CSMD1: variants seen among roughly 807,000 people sequenced by gnomAD.
CSMD1 encodes the protein CUB and sushi domain-containing protein 1.
A neutral mutation model predicts 417.5 loss-of-function variants in CSMD1; 213 were observed. The observed-to-expected ratio is 0.51, with a 90% confidence interval of 0.46 to 0.57. CSMD1 has a LOEUF of 0.57. Among genes scored for constraint, CSMD1 ranks in the 20% least tolerant of loss-of-function variants. The pLI is 0.00. For missense variants in CSMD1, 6,923 were observed against 4,529.7 expected, an observed-to-expected ratio of 1.53 and a Z score of -15.17; for synonymous variants, 2,862 against 1,736.8, an observed-to-expected ratio of 1.65 and a Z score of -16.11.
At chr8:3,503,837 C>CA (rs1796710525) in intron 10 of CSMD1, among the ~76,000 whole-genome samples, 1 of 148,910 alleles carries the variant, frequency 6.7e-6, no homozygotes, top group Non-Finnish European at 1.5e-5. Flanking sequence ...CCCCTTGCCC[C>CA]CCCCCAACCC....
intron 2 of CSMD1, among the ~76,000 whole-genome samples, chr8:4,496,175 A>G (rs182751446): frequency 6.6e-6 from 1 of 152,314 alleles, no homozygotes; most frequent in Admixed American, 6.5e-5. Flanking sequence ...CTATGAAGAG[A>G]AAATTTAAAT....
intron 3 of CSMD1, among the ~76,000 whole-genome samples, chr8:4,393,360 C>T (rs930463868): frequency 1.3e-5 from 2 of 152,042 alleles, no homozygotes; most frequent in African/African-American, 2.4e-5. Context: ...TTCTAAATTG[C>T]CAAGGCCAAG....
chr8:4,615,069 G>C lies in CSMD1; in HGVS notation c.302+22273C>G, dbSNP rs148516114. On this transcript the variant is annotated intron_variant, in intron 2 of 69. Transcript: ENST00000635120. ...TGAGAAAGGCTTCCTATTTGTCTCA[G>C]ATCTACAAACTGATATAATCTATTA... 3.1e-3 allele frequency among the ~76,000 whole-genome samples: 478 copies of C among 152,236 alleles called. 3 individuals carry two copies. The highest frequency in any genetic ancestry group is 0.011 in the African/African-American group (449 of 41,548).
chr8:4,452,638 A>T (rs1010646925), intron 2 of CSMD1, among the ~76,000 whole-genome samples: 3 of 151,144 alleles, frequency 2.0e-5, no homozygotes, highest in African/African-American at 7.2e-5. Flanking sequence ...ACAATGAAAA[A>T]TTCTTGAGTG....
intron 3 of CSMD1, among the ~76,000 whole-genome samples, chr8:4,258,865 C>T (rs1413305120): frequency 6.6e-6 from 1 of 152,160 alleles, no homozygotes; most frequent in Admixed American, 6.5e-5. Context: ...CTGCAAAAGT[C>T]TCATCTCTAC....
intron 6 of CSMD1, among the ~76,000 whole-genome samples, chr8:3,749,363 A>G (rs551155006): frequency 1.3e-5 from 2 of 152,198 alleles, no homozygotes; most frequent in Non-Finnish European, 2.9e-5. Flanking sequence ...TGTCATTTTA[A>G]AAGTGAATAG....
intron 3 of CSMD1, among the ~76,000 whole-genome samples, chr8:4,356,791 C>G (rs1050366434): frequency 6.6e-6 from 1 of 152,162 alleles, no homozygotes; most frequent in Non-Finnish European, 1.5e-5. Context: ...AGCAGTCTTG[C>G]AGGCCCAGCC....
chr8:4,630,827 C>T (rs1367261700), intron 2 of CSMD1, among the ~76,000 whole-genome samples: 1 of 152,154 alleles, frequency 6.6e-6, no homozygotes, highest in Admixed American at 6.5e-5. Flanking sequence ...GTGACAAGCT[C>T]TTCCACTGCT....
intron 3 of CSMD1, among the ~76,000 whole-genome samples, chr8:4,054,184 C>T (rs918099840): frequency 1.3e-5 from 2 of 152,120 alleles, no homozygotes; most frequent in East Asian, 3.9e-4. Context: ...TTTCACAGAA[C>T]GCACGGCCAT....
chr8:3,516,067 G>T (rs1161081874), intron 10 of CSMD1, among the ~76,000 whole-genome samples: 5 of 151,998 alleles, frequency 3.3e-5, no homozygotes, highest in Admixed American at 3.3e-4. Context: ...CTGTAGAACT[G>T]GGAAACTGGA....
In CSMD1 at chr8:4,668,512, C is replaced by G. The variant is rs568052863; in HGVS notation, c.86-30954G>C. Among the ~76,000 whole-genome samples the G allele has an allele frequency of 6.7e-5, 10 of 150,176 alleles. No individual in the cohort carries two copies. In the East Asian group the frequency reaches 2.0e-3, roughly 29 times the overall value. The stretch of plus-strand genomic sequence containing the variant: ...TCACCCAGGCTGGAGTGCAGTGGCA[C>G]GATCTCAGCTCACTGCAAGCTCCGC... On this transcript the variant is annotated intron_variant, in intron 1 of 69. Coordinates refer to ENST00000635120, the MANE Select transcript of CSMD1 (RefSeq NM_033225.6).
chr8:3,944,465 T>C (rs1051116324), intron 5 of CSMD1, among the ~76,000 whole-genome samples: 9 of 152,160 alleles, frequency 5.9e-5, no homozygotes, highest in Non-Finnish European at 8.8e-5. Flanking sequence ...TGGTTTTTTT[T>C]CCCTGAAAGT....
At chr8:4,353,460 G>A (rs1466441545) in intron 3 of CSMD1, among the ~76,000 whole-genome samples, 1 of 149,692 alleles carries the variant, frequency 6.7e-6, no homozygotes, top group Non-Finnish European at 1.5e-5. Flanking sequence ...TTAGCAGTGT[G>A]AGAAAAGAAT....
chr8:3,625,410 G>C (rs920875588), intron 7 of CSMD1, among the ~76,000 whole-genome samples: 1 of 149,112 alleles, frequency 6.7e-6, no homozygotes, highest in Non-Finnish European at 1.5e-5. Context: ...TACATTGCCA[G>C]ATTTTTTTGT....
intron 2 of CSMD1, among the ~76,000 whole-genome samples, chr8:4,548,914 G>A (rs1797746567): frequency 6.6e-6 from 1 of 151,910 alleles, no homozygotes; most frequent in South Asian, 2.1e-4. Flanking sequence ...CTGTTACCTT[G>A]GAAATTTCTC....
chr8:3,487,873 A>T (rs935080810), intron 11 of CSMD1, among the ~76,000 whole-genome samples: 2 of 151,984 alleles, frequency 1.3e-5, no homozygotes, highest in Non-Finnish European at 2.9e-5. Context: ...AACATTACCA[A>T]TTTTTTCTAA....
At chr8:3,744,340 G>A (rs1032217223) in intron 6 of CSMD1, among the ~76,000 whole-genome samples, 1 of 152,148 alleles carries the variant, frequency 6.6e-6, no homozygotes, top group East Asian at 1.9e-4. Flanking sequence ...ATACCCTGTG[G>A]GCTTCCACTG....
chr8:3,691,167 G>C (rs888237557), intron 7 of CSMD1, among the ~76,000 whole-genome samples: 3 of 152,020 alleles, frequency 2.0e-5, no homozygotes, highest in Non-Finnish European at 4.4e-5. Context: ...AGGAGTTTGA[G>C]ACCAGCGTGA....
At chr8:4,962,032 T>A (rs1381502786) in intron 1 of CSMD1, among the ~76,000 whole-genome samples, 3 of 148,230 alleles carry the variant, frequency 2.0e-5, no homozygotes, top group Non-Finnish European at 4.4e-5. Context: ...AGTAATAACT[T>A]TGGGAAGGTT....
Sources: allele counts gnomAD v4.1 joint callset (sites outside exome capture counted in the v4.1 genomes callset), GRCh38; gene constraint gnomAD v4.1.1; transcripts MANE v1.5; gene names NCBI Gene and HGNC (gene_info 2026-07-23, HGNC 2026-07-21).